Variants in ZNF528 observed in about 807,000 individuals in gnomAD.
ZNF528 encodes zinc finger protein 528.
In ZNF528, 9 loss-of-function variants were observed where a neutral mutation model predicts 13.3. The ratio of observed to expected loss-of-function variants is 0.67; its 90% confidence interval spans 0.41 to 1.18. The LOEUF is 1.18. Among genes scored for constraint, ZNF528 ranks in the 50% most tolerant of loss-of-function variants. The pLI is 0.01. For missense variants in ZNF528, 858 were observed against 745.4 expected, an observed-to-expected ratio of 1.15 and a Z score of -1.76; for synonymous variants, 264 against 254.3, an observed-to-expected ratio of 1.04 and a Z score of -0.36.
intron 2 of ZNF528, among the ~76,000 whole-genome samples, chr19:52,401,480 C>A (rs1318917700): frequency 6.6e-6 from 1 of 152,052 alleles, no homozygotes; most frequent in Non-Finnish European, 1.5e-5. Context: ...AAGAGCTCAG[C>A]CCTGCCTGAT....
chr19:52,403,541 A>T (rs147172054), intron 4 of ZNF528, among the ~76,000 whole-genome samples: 1,681 of 151,076 alleles, frequency 0.011, 33 homozygotes, highest in African/African-American at 0.039. Context: ...ACATCTGTAG[A>T]CCCAGCTACT....
Position 52,403,633 on chromosome 19 carries a change from C to T in ZNF528, c.15+1605C>T, listed in dbSNP as rs556579338. Among the ~76,000 whole-genome samples the T allele has an allele frequency of 7.7e-5, 10 of 129,686 alleles. No individual in the cohort carries two copies. The South Asian group carries it at 2.2e-3, about 28-fold the overall frequency. 85.1% of individuals were successfully genotyped at this position (129,686 alleles called of 152,430 possible). A position where few individuals can be genotyped will look rare whatever the true frequency, so the allele number is the denominator to read the frequency against. The stretch of plus-strand genomic sequence containing the variant: ...CAAGATTGTGCTACTGCACTCCAGC[C>T]TGGGCAACAGAGCGAGACTCCATCT... On this transcript the variant is annotated intron_variant, in intron 4 of 6. Coordinates refer to ENST00000360465, the MANE Select transcript of ZNF528 (RefSeq NM_032423.3).
At chr19:52,410,560 T>C (rs2058918685) in intron 6 of ZNF528, among the ~76,000 whole-genome samples, 1 of 152,186 alleles carries the variant, frequency 6.6e-6, no homozygotes, top group South Asian at 2.1e-4. Flanking sequence ...TCATATAGCC[T>C]CCAGTGGAAC....
In ZNF528 at chr19:52,416,900, G is replaced by T; in HGVS notation, c.*161G>T. ...TGGACATCACCACATCACTGTGGAGGATGAAAGCACACAGATGAATTGTGT... is the reference window on the plus strand; with the variant it reads ...TGGACATCACCACATCACTGTGGAGTATGAAAGCACACAGATGAATTGTGT... On this transcript the variant is annotated 3_prime_UTR_variant, in exon 7 of 7. Transcript: ENST00000360465. The T allele has an allele frequency of 1.5e-6, 1 of 686,256 alleles. No individual in the cohort carries two copies. 42.5% of individuals were successfully genotyped at this position (686,256 alleles called of 1,614,324 possible).
intron 6 of ZNF528, chr19:52,413,912 A>G (rs2058964399): frequency 3.3e-6 from 1 of 305,060 alleles, no homozygotes; most frequent in Non-Finnish European, 6.3e-6. Context: ...CCACATCAAG[A>G]GTGCCTGCCT....
At chr19:52,402,159 CA>C (rs2058802137) in intron 4 of ZNF528, 131 bp downstream of exon 4, 1 of 1,294,012 alleles carries the variant, frequency 7.7e-7, no homozygotes, top group African/African-American at 1.5e-5. Context: ...TGGCTTCTTC[CA>C]GTCCCTTCAT....
At chr19:52,409,903 C>G (rs143940009) in intron 6 of ZNF528, among the ~76,000 whole-genome samples, 2,725 of 152,154 alleles carry the variant, frequency 0.018, 87 homozygotes, top group African/African-American at 0.061. Flanking sequence ...TTAGTAGAGA[C>G]AGGGTTTCAC....
At chr19:52,397,943 A>C (rs529781719) in intron 1 of ZNF528, 39 bp downstream of exon 1, 1 of 152,228 alleles carries the variant, frequency 6.6e-6, no homozygotes, top group Non-Finnish European at 1.5e-5. Context: ...TAGGCTAGCC[A>C]GTTCTTCTCT....
chr19:52,398,075 G>T lies in ZNF528; in HGVS notation c.-390+171G>T, dbSNP rs375322273. On this transcript the variant is annotated intron_variant, in intron 1 of 6. Coordinates refer to ENST00000360465, the MANE Select transcript of ZNF528 (RefSeq NM_032423.3). ...GAGTCGCTTTCTGCGTGTTAAAATC[G>T]CTTGGAGGCTGGTCGTGTGCCCGGT... 17 of 152,242 alleles carry T rather than the reference G, an allele frequency of 1.1e-4. No individual in the cohort carries two copies. In the East Asian group the frequency reaches 2.7e-3, roughly 24 times the overall value. The allele number at this position is 152,242 out of a possible 1,614,324, so 9.4% of individuals were successfully genotyped here.
At position 52,415,235 on chromosome 19, in the gene ZNF528, A is replaced by C. The variant is rs747265441; in HGVS notation, c.383A>C (p.Lys128Thr). ...SDLQLFQAERKISGCKHFEKP... is the reference protein window; with the variant it reads ...SDLQLFQAERTISGCKHFEKP... ...CTACAGCTATTTCAAGCTGAAAGGA[A>C]AATTTCTGGGTGTAAGCATTTTGAA... The change falls in exon 7 of 7, where the codon AAA becomes ACA. Residue 128 changes from lysine (K) to threonine (T), a missense_variant. By Grantham distance (78) the Lys-to-Thr change is moderately conservative (BLOSUM62 -1). Coordinates refer to ENST00000360465, the MANE Select transcript of ZNF528 (RefSeq NM_032423.3). 6.2e-7 allele frequency: 1 copy of C among 1,614,136 alleles called. No homozygotes were observed. Among genetic ancestry groups the C allele is most frequent in the Admixed American group, 1.7e-5 (1 of 60,002 alleles).
At chr19:52,402,174 C>A in intron 4 of ZNF528, 146 bp downstream of exon 4, 1 of 1,192,076 alleles carries the variant, frequency 8.4e-7, no homozygotes, top group Admixed American at 2.1e-5. Flanking sequence ...CCTTCATTTC[C>A]GCTTGAGATT....
Position 52,415,622 on chromosome 19 carries a change from CACA to C in ZNF528, c.774_776del (p.Gln258del). 1 of 1,613,890 alleles carries C rather than the reference CACA, an allele frequency of 6.2e-7. No individual in the cohort carries two copies. Among genetic ancestry groups the C allele is most frequent in the Non-Finnish European group, 8.5e-7 (1 of 1,179,950 alleles). ...CTCTTCAGTAGCAATTCAAACCTTT[CACA>C]ACATCAAAGAATTCATACTGGAGAG... On this transcript the variant is annotated inframe_deletion, in exon 7 of 7. Transcript: ENST00000360465.
chr19:52,414,954 A>C (rs553522065), intron 6 of ZNF528, 170 bp from the exon 7 acceptor site: 2 of 1,533,588 alleles, frequency 1.3e-6, no homozygotes, highest in African/African-American at 2.7e-5. Context: ...CCACTGCTCC[A>C]ATGCATCACC....
chr19:52,416,588 G>A lies in ZNF528; in HGVS notation c.1736G>A (p.Cys579Tyr), dbSNP rs1036999732. 2 of 1,614,160 alleles carry A rather than the reference G, an allele frequency of 1.2e-6. No individual in the cohort carries two copies. Among genetic ancestry groups the A allele is most frequent in the Non-Finnish European group, 1.7e-6 (2 of 1,180,022 alleles). The change falls in exon 7 of 7, where the codon TGT becomes TAT. Residue 579 changes from cysteine (C) to tyrosine (Y), a missense_variant. By Grantham distance (194) the Cys-to-Tyr change is radical (BLOSUM62 -2). Transcript: ENST00000360465. ...AIHTEKKSHECKECGKIFTQK... is the reference protein window; with the variant it reads ...AIHTEKKSHEYKECGKIFTQK... Reference sequence around the variant, plus strand: ...CATACTGAAAAGAAATCTCATGAGTGTAAAGAATGTGGCAAGATCTTCACT... The same window carrying A: ...CATACTGAAAAGAAATCTCATGAGTATAAAGAATGTGGCAAGATCTTCACT...
intron 2 of ZNF528, among the ~76,000 whole-genome samples, chr19:52,399,263 T>C (rs530195144): frequency 1.6e-4 from 24 of 152,224 alleles, no homozygotes; most frequent in African/African-American, 5.5e-4. Context: ...GTGAGTTGAT[T>C]GGAAATTATG....
chr19:52,400,966 G>A (rs888646015), intron 2 of ZNF528, among the ~76,000 whole-genome samples: 6 of 151,490 alleles, frequency 4.0e-5, no homozygotes, highest in African/African-American at 9.7e-5. Context: ...CATTACTTTC[G>A]TATCTTATCA....
At chr19:52,401,920 C>A (rs1243765712) in intron 3 of ZNF528, 27 bp from the exon 4 acceptor site, 1 of 1,606,374 alleles carries the variant, frequency 6.2e-7, no homozygotes. Flanking sequence ...GATTCTAAGC[C>A]CTAAGCAGCA....
At position 52,416,211 on chromosome 19, in the gene ZNF528, T is replaced by G. The variant is rs1467059675; in HGVS notation, c.1359T>G (p.Thr453=). 6.2e-7 allele frequency: 1 copy of G among 1,613,464 alleles called. No individual in the cohort carries two copies. The highest frequency in any genetic ancestry group is 8.5e-7 in the Non-Finnish European group (1 of 1,179,760). Residue 453 remains threonine (T), a synonymous_variant, in exon 7 of 7, where the codon ACT becomes ACG. Transcript: ENST00000360465. ...GTAFREFSDL[T]AHFLIHSGEK... ...CGTTTAGAGAGTTTTCAGACCTTAC[T>G]GCCCATTTTCTAATCCATAGTGGAG...
chr19:52,406,473 G>T, intron 5 of ZNF528, 42 bp from the exon 6 acceptor site: 1 of 1,597,922 alleles, frequency 6.3e-7, no homozygotes. Context: ...CTTGGACTTG[G>T]GAGATGCCAC....
Sources: gnomAD v4.1 joint callset for allele counts (sites outside exome capture counted in the v4.1 genomes callset) on GRCh38, gnomAD v4.1.1 for gene constraint, MANE v1.5 for transcripts, NCBI Gene and HGNC (gene_info 2026-07-23, HGNC 2026-07-21) for gene names.